Variants in ADAMTSL1 observed in about 807,000 individuals in gnomAD.
The protein encoded by ADAMTSL1 is ADAMTS-like protein 1.
A neutral mutation model predicts 201.8 loss-of-function variants in ADAMTSL1; 126 were observed. The ratio of observed to expected loss-of-function variants is 0.62; its 90% CI spans 0.54 to 0.72. The LOEUF (loss-of-function observed/expected upper bound fraction) is 0.72, where lower values mean the gene tolerates loss of function less well. ADAMTSL1 is among the 30% of genes least tolerant of loss of function. The pLI, the probability that ADAMTSL1 is intolerant of heterozygous loss-of-function variation, is 0.00. For synonymous variants in ADAMTSL1, 1,121 were observed against 903.4 expected, an observed-to-expected ratio of 1.24 and a Z score of -4.32; for missense variants, 2,679 against 2,277.8, an observed-to-expected ratio of 1.18 and a Z score of -3.59.
At chr9:18,085,349 A>C (rs1018757577) in intron 1 of ADAMTSL1, among the ~76,000 whole-genome samples, 1 of 152,118 alleles carries the variant, frequency 6.6e-6, no homozygotes, top group Admixed American at 6.5e-5. Flanking sequence ...TGAAGAAAGT[A>C]ATAGTATCTT....
intron 1 of ADAMTSL1, among the ~76,000 whole-genome samples, chr9:17,912,953 C>T (rs1825946719): frequency 6.6e-6 from 1 of 152,110 alleles, no homozygotes; most frequent in Admixed American, 6.5e-5. Context: ...ATCCTTTCCC[C>T]ATTGCTTGTT....
intron 26 of ADAMTSL1, among the ~76,000 whole-genome samples, chr9:18,895,522 G>A (rs1055275565): frequency 5.9e-5 from 9 of 151,412 alleles, no homozygotes; most frequent in Non-Finnish European, 7.4e-5. Context: ...GCAGACACCT[G>A]GGAAAAGAGA....
At chr9:18,300,432 C>T (rs951111544) in intron 2 of ADAMTSL1, among the ~76,000 whole-genome samples, 7 of 109,272 alleles carry the variant, frequency 6.4e-5, no homozygotes, top group South Asian at 3.2e-4. Flanking sequence ...GGACACAGGG[C>T]GGGTAACATC....
At chr9:18,791,474 C>T (rs1275764315) in intron 19 of ADAMTSL1, among the ~76,000 whole-genome samples, 1 of 151,624 alleles carries the variant, frequency 6.6e-6, no homozygotes, top group Non-Finnish European at 1.5e-5. Context: ...GAAGAAAGCA[C>T]GACTAAACAG....
At chr9:18,110,329 G>A (rs1325376452) in intron 1 of ADAMTSL1, among the ~76,000 whole-genome samples, 1 of 152,142 alleles carries the variant, frequency 6.6e-6, no homozygotes, top group Non-Finnish European at 1.5e-5. Context: ...TCCTCAAAAA[G>A]GAACTGGATT....
chr9:18,550,276 C>T (rs1238451359), intron 3 of ADAMTSL1, among the ~76,000 whole-genome samples: 1 of 151,582 alleles, frequency 6.6e-6, no homozygotes, highest in Non-Finnish European at 1.5e-5. Context: ...ACCTTAAGAT[C>T]TTAAGGTTGC....
Position 18,424,828 on chromosome 9 carries a change from G to C in ADAMTSL1, c.208-80001G>C, listed in dbSNP as rs377346234. On this transcript the variant is annotated intron_variant, in intron 2 of 29. Coordinates refer to the ADAMTSL1 transcript ENST00000680146. Reference sequence around the variant, plus strand: ...GAAGTGTTCTACAGCCAGCCTTTCTGACCCACTAGGCTCTTTCATACTGTT... The same window carrying C: ...GAAGTGTTCTACAGCCAGCCTTTCTCACCCACTAGGCTCTTTCATACTGTT... 2.5e-4 allele frequency among the ~76,000 whole-genome samples: 38 copies of C among 152,224 alleles called. 1 individual carries two copies. The South Asian group carries it at 7.1e-3, about 28-fold the overall frequency.
chr9:18,318,917 CAAATA>C (rs1365138138), intron 2 of ADAMTSL1, among the ~76,000 whole-genome samples: 1 of 152,078 alleles, frequency 6.6e-6, no homozygotes, highest in African/African-American at 2.4e-5. Context: ...ACTTTACAAA[CAAATA>C]AAGAGGCTGG....
chr9:18,452,151 G>T (rs142129803), intron 2 of ADAMTSL1, among the ~76,000 whole-genome samples: 1,748 of 152,124 alleles, frequency 0.011, 31 homozygotes, highest in African/African-American at 0.04. Flanking sequence ...GACCTCAGGT[G>T]ATCCACCCGC....
intron 1 of ADAMTSL1, among the ~76,000 whole-genome samples, chr9:17,972,459 C>G (rs1208413521): frequency 1.3e-5 from 2 of 151,448 alleles, no homozygotes; most frequent in Non-Finnish European, 2.9e-5. Flanking sequence ...TGATGGTTTC[C>G]AGTTTCATCC....
At chr9:18,531,300 G>A (rs998477047) in intron 2 of ADAMTSL1, among the ~76,000 whole-genome samples, 4 of 152,316 alleles carry the variant, frequency 2.6e-5, no homozygotes, top group South Asian at 4.1e-4. Flanking sequence ...CGTAATGAGG[G>A]GTGGTACTTG....
chr9:18,003,267 A>G (rs950256748), intron 1 of ADAMTSL1, among the ~76,000 whole-genome samples: 5 of 143,078 alleles, frequency 3.5e-5, no homozygotes, highest in Admixed American at 1.4e-4. Flanking sequence ...CTGACAGTCT[A>G]CATGTCCATG....
chr9:18,316,090 T>G (rs1010277704), intron 2 of ADAMTSL1, among the ~76,000 whole-genome samples: 1 of 151,902 alleles, frequency 6.6e-6, no homozygotes, highest in Non-Finnish European at 1.5e-5. Context: ...AACCAGCAAG[T>G]TTTTATTAGG....
chr9:18,341,688 G>C (rs892806877), intron 2 of ADAMTSL1, among the ~76,000 whole-genome samples: 1 of 152,068 alleles, frequency 6.6e-6, no homozygotes, highest in Admixed American at 6.6e-5. Flanking sequence ...TAGAAATTAA[G>C]TCAGTAAAAC....
chr9:18,059,227 A>G (rs949476392), intron 1 of ADAMTSL1, among the ~76,000 whole-genome samples: 3 of 152,180 alleles, frequency 2.0e-5, no homozygotes, highest in Admixed American at 2.0e-4. Flanking sequence ...TACTTTCACT[A>G]TCGGACTGTT....
At chr9:18,827,088 C>T (rs980924618) in intron 22 of ADAMTSL1, among the ~76,000 whole-genome samples, 3 of 151,732 alleles carry the variant, frequency 2.0e-5, no homozygotes, top group African/African-American at 4.8e-5. Flanking sequence ...CAAGCTATAA[C>T]CGTTTTTGCC....
At chr9:18,397,963 G>A (rs949821469) in intron 2 of ADAMTSL1, among the ~76,000 whole-genome samples, 3 of 152,136 alleles carry the variant, frequency 2.0e-5, no homozygotes, top group African/African-American at 7.2e-5. Flanking sequence ...ATAATGAGGT[G>A]TGTACGTTTT....
chr9:18,634,486 C>T (rs1826973206), intron 5 of ADAMTSL1, among the ~76,000 whole-genome samples: 1 of 151,852 alleles, frequency 6.6e-6, no homozygotes, highest in Admixed American at 6.6e-5. Context: ...TCTCTTGAGC[C>T]CGGGAAGCTA....
chr9:18,278,632 A>G (rs986019470), intron 2 of ADAMTSL1, among the ~76,000 whole-genome samples: 6 of 152,096 alleles, frequency 3.9e-5, no homozygotes, highest in Non-Finnish European at 8.8e-5. Flanking sequence ...TGTTTCAGGG[A>G]AGATCTTTTT....
Sources: allele counts gnomAD v4.1 joint callset (sites outside exome capture counted in the v4.1 genomes callset), GRCh38; gene constraint gnomAD v4.1.1; transcripts MANE v1.5; gene names NCBI Gene and HGNC (gene_info 2026-07-23, HGNC 2026-07-21).